The following NECAB1 variants were observed in gnomAD, a reference collection of about 807,000 sequenced individuals.
NECAB1 encodes the protein N-terminal EF-hand calcium-binding protein 1.
Under a neutral mutation model 57.5 loss-of-function variants are expected in NECAB1, and 29 were observed. The observed-to-expected ratio is 0.50, with a 90% confidence interval of 0.38 to 0.69. The LOEUF (loss-of-function observed/expected upper bound fraction) is 0.69. Among genes scored for constraint, NECAB1 ranks in the 30% least tolerant of loss-of-function variants. The pLI, the probability that NECAB1 is intolerant of heterozygous loss-of-function variation, is 0.00. For synonymous variants in NECAB1, 142 were observed against 147.7 expected, an observed-to-expected ratio of 0.96 and a Z score of 0.28; for missense variants, 372 against 413.8, an observed-to-expected ratio of 0.90 and a Z score of 0.88.
rs550119881 is a variant in NECAB1, at chr8:90,862,082, A to G, written c.234-10046A>G. On this transcript the variant is annotated intron_variant, in intron 3 of 12. Transcript: ENST00000417640. The stretch of plus-strand genomic sequence containing the variant: ...GTTTTAACAGTTATATTCATTCAAT[A>G]GAGATTCTATAAATTATGGTAGAAA... Among the ~76,000 whole-genome samples, 3 of 152,292 alleles carry G rather than the reference A, an allele frequency of 2.0e-5. No individual in the cohort carries two copies. In the East Asian group the frequency reaches 5.8e-4, roughly 29 times the overall value.
chr8:90,913,112 C>A (rs113636339), intron 5 of NECAB1, among the ~76,000 whole-genome samples: 10 of 152,272 alleles, frequency 6.6e-5, no homozygotes, highest in African/African-American at 1.9e-4. Flanking sequence ...ATTCTATCAA[C>A]CTGATGGGCA....
At chr8:90,856,591 T>C (rs1365300222) in intron 3 of NECAB1, among the ~76,000 whole-genome samples, 1 of 152,250 alleles carries the variant, frequency 6.6e-6, no homozygotes, top group Non-Finnish European at 1.5e-5. Context: ...AGAAATTGAA[T>C]AATCTAAACA....
intron 5 of NECAB1, among the ~76,000 whole-genome samples, chr8:90,912,266 G>A (rs930103007): frequency 1.3e-5 from 2 of 152,142 alleles, no homozygotes; most frequent in Admixed American, 6.6e-5. Context: ...GTAGTCTTAT[G>A]TTCTTGTTAG....
chr8:90,818,307 T>C (rs1418382756), intron 2 of NECAB1, among the ~76,000 whole-genome samples: 1 of 152,006 alleles, frequency 6.6e-6, no homozygotes, highest in African/African-American at 2.4e-5. Flanking sequence ...CTAATTTTTA[T>C]TATTTATTTT....
intron 6 of NECAB1, among the ~76,000 whole-genome samples, chr8:90,918,785 A>T (rs574797772): frequency 1.3e-5 from 2 of 151,878 alleles, no homozygotes; most frequent in Non-Finnish European, 2.9e-5. Flanking sequence ...ATTGGACAGT[A>T]ATTTCTCTGG....
intron 1 of NECAB1, among the ~76,000 whole-genome samples, chr8:90,801,453 G>A (rs2130643946): frequency 6.6e-6 from 1 of 152,220 alleles, no homozygotes; most frequent in South Asian, 2.1e-4. Context: ...TTATTGCTCA[G>A]TAGTATTCTA....
At chr8:90,922,348 T>C (rs1810135647) in intron 6 of NECAB1, among the ~76,000 whole-genome samples, 1 of 152,122 alleles carries the variant, frequency 6.6e-6, no homozygotes, top group African/African-American at 2.4e-5. Context: ...TTGTCTATTA[T>C]AGAAGTGAGG....
Position 90,958,690 on chromosome 8 carries a change from T to G in NECAB1, c.*3178T>G. On this transcript the variant is annotated 3_prime_UTR_variant, in exon 13 of 13. Coordinates refer to ENST00000417640, the MANE Select transcript of NECAB1 (RefSeq NM_022351.5). ...GAGTCTTTACAGCTTACATTTCCAT[T>G]CCATTATTACAAGTGATGAAAAACA... is the stretch of plus-strand genomic sequence containing the variant. 3.7e-6 allele frequency: 1 copy of G among 266,842 alleles called. No homozygotes were observed. Among genetic ancestry groups the G allele is most frequent in the Non-Finnish European group, 7.0e-6 (1 of 142,120 alleles). The allele number at this position is 266,842 out of a possible 1,614,324, so 16.5% of individuals were successfully genotyped here.
chr8:90,896,913 A>G (rs1348150118), intron 5 of NECAB1, among the ~76,000 whole-genome samples: 2 of 152,162 alleles, frequency 1.3e-5, no homozygotes. Flanking sequence ...AATTAGAATT[A>G]GTTTAGCCTG....
intron 5 of NECAB1, among the ~76,000 whole-genome samples, chr8:90,916,554 G>A (rs118038142): frequency 0.017 from 2,587 of 152,300 alleles, 44 homozygotes; most frequent in Non-Finnish European, 0.026. Context: ...TTTAGGGACA[G>A]AGACAAATAA....
intron 6 of NECAB1, among the ~76,000 whole-genome samples, chr8:90,925,084 G>C (rs888389254): frequency 1.3e-5 from 2 of 151,890 alleles, no homozygotes; most frequent in African/African-American, 4.8e-5. Flanking sequence ...ATATGATATG[G>C]GGGTGAAACG....
intron 2 of NECAB1, among the ~76,000 whole-genome samples, chr8:90,820,742 A>C (rs929224522): frequency 4.6e-5 from 7 of 151,688 alleles, no homozygotes; most frequent in Non-Finnish European, 1.0e-4. Flanking sequence ...CTAAAAAAAA[A>C]GTCTGTCATT....
At chr8:90,953,831 G>A (rs1160952495) in intron 12 of NECAB1, among the ~76,000 whole-genome samples, 1 of 152,134 alleles carries the variant, frequency 6.6e-6, no homozygotes, top group African/African-American at 2.4e-5. Context: ...CACTTTGGGA[G>A]GCGAAGGTGG....
chr8:90,928,991 CAT>C (rs1367915132), intron 8 of NECAB1, among the ~76,000 whole-genome samples: 4 of 152,120 alleles, frequency 2.6e-5, no homozygotes. Context: ...GTTTTCTGCA[CAT>C]GTCAGGCACC....
Position 90,955,637 on chromosome 8 carries a change from T to C in NECAB1, c.*125T>C, listed in dbSNP as rs1008200375. On this transcript the variant is annotated 3_prime_UTR_variant, in exon 13 of 13. Coordinates refer to ENST00000417640, the MANE Select transcript of NECAB1 (RefSeq NM_022351.5). ...ATTTTTGTTTGGTATATTTACTAAG[T>C]GCACTCTTTCAAAACTTATTCTATA... 1.6e-6 allele frequency: 1 copy of C among 609,594 alleles called. No individual in the cohort carries two copies. The highest frequency in any genetic ancestry group is 2.7e-6 in the Non-Finnish European group (1 of 368,734). 37.8% of individuals were successfully genotyped at this position (609,594 alleles called of 1,614,324 possible). A position where few individuals can be genotyped will look rare whatever the true frequency, so the allele number is the denominator to read the frequency against.
At chr8:90,838,407 C>T (rs1483057699) in intron 3 of NECAB1, among the ~76,000 whole-genome samples, 2 of 152,134 alleles carry the variant, frequency 1.3e-5, no homozygotes, top group Admixed American at 6.5e-5. Context: ...ATTTAAGAAA[C>T]ACTAATAAAA....
In NECAB1 at chr8:90,958,087, T is replaced by TC. The variant is rs1811065309; in HGVS notation, c.*2575_*2576insC. 6.7e-6 allele frequency: 1 copy of TC among 148,628 alleles called. No homozygotes were observed. The highest frequency in any genetic ancestry group is 2.4e-5 in the African/African-American group (1 of 40,830). 9.2% of individuals were successfully genotyped at this position (148,628 alleles called of 1,614,324 possible). A position where few individuals can be genotyped will look rare whatever the true frequency, so the allele number is the denominator to read the frequency against. On this transcript the variant is annotated 3_prime_UTR_variant, in exon 13 of 13. Coordinates refer to ENST00000417640, the MANE Select transcript of NECAB1 (RefSeq NM_022351.5). ...GCAGATTTTTCTGGAAGAAACCCTT[T>TC]TTTTTTTTTTTTTTAAACAGTAACA...
At chr8:90,944,458 T>C (rs16906700) in intron 10 of NECAB1, among the ~76,000 whole-genome samples, 6,807 of 152,268 alleles carry the variant, frequency 0.045, 541 homozygotes, top group African/African-American at 0.15. Context: ...TACACACACA[T>C]TGTTTGATAC....
At chr8:90,860,406 CTTA>C (rs1437239407) in intron 3 of NECAB1, among the ~76,000 whole-genome samples, 1 of 151,966 alleles carries the variant, frequency 6.6e-6, no homozygotes, top group Non-Finnish European at 1.5e-5. Flanking sequence ...CATTTAAAAA[CTTA>C]TTATCCATGT....
Sources: allele counts gnomAD v4.1 joint callset (sites outside exome capture counted in the v4.1 genomes callset), GRCh38; gene constraint gnomAD v4.1.1; transcripts MANE v1.5; gene names NCBI Gene and HGNC (gene_info 2026-07-23, HGNC 2026-07-21).